Variants in ALK observed in about 807,000 individuals in gnomAD.
ALK encodes ALK tyrosine kinase receptor.
ALK carries 74 observed loss-of-function variants against 163.1 expected under a neutral mutation model. That is an observed-to-expected ratio of 0.45 (90% CI 0.38 to 0.55). ALK has a LOEUF of 0.55. Ranked by LOEUF, ALK falls within the 20% of genes least tolerant of loss-of-function variation. The pLI is 0.00. For missense variants in ALK, 2,063 were observed against 2,105.3 expected, an observed-to-expected ratio of 0.98 and a Z score of 0.39; for synonymous variants, 960 against 843.2, an observed-to-expected ratio of 1.14 and a Z score of -2.40.
chr2:29,616,930 G>A (rs1675864355), intron 3 of ALK, among the ~76,000 whole-genome samples: 2 of 152,098 alleles, frequency 1.3e-5, no homozygotes, highest in African/African-American at 4.8e-5. Context: ...CTATGTGTTG[G>A]TCCATTGTGC....
chr2:29,476,379 T>G (rs746827064), intron 4 of ALK, among the ~76,000 whole-genome samples: 2 of 152,170 alleles, frequency 1.3e-5, no homozygotes, highest in Non-Finnish European at 2.9e-5. Flanking sequence ...AACACCAACA[T>G]TCTTTTCCAC....
At chr2:29,815,043 A>T (rs1489355530) in intron 1 of ALK, among the ~76,000 whole-genome samples, 1 of 147,878 alleles carries the variant, frequency 6.8e-6, no homozygotes, top group East Asian at 2.0e-4. Flanking sequence ...TCTAGCATCT[A>T]GTATGGTGCG....
Position 29,536,645 on chromosome 2 carries a change from C to T in ALK, c.953-4529G>A, listed in dbSNP as rs973716110. On this transcript the variant is annotated intron_variant, in intron 3 of 28. Transcript: ENST00000389048. Reference sequence around the variant, plus strand: ...TGAAAATATAGAAGTAACTTTGGAACTGAGTAACGGGCAGGGGTTGGAGGA... The same window carrying T: ...TGAAAATATAGAAGTAACTTTGGAATTGAGTAACGGGCAGGGGTTGGAGGA... 3.3e-5 allele frequency among the ~76,000 whole-genome samples: 5 copies of T among 152,246 alleles called. No individual in the cohort carries two copies. The South Asian group carries it at 1.0e-3, about 32-fold the overall frequency.
At chr2:29,669,972 T>C (rs1677632375) in intron 3 of ALK, among the ~76,000 whole-genome samples, 1 of 152,128 alleles carries the variant, frequency 6.6e-6, no homozygotes, top group African/African-American at 2.4e-5. Context: ...TACCTATCTC[T>C]CAACAGGTTG....
intron 5 of ALK, among the ~76,000 whole-genome samples, chr2:29,336,993 C>G (rs1200528898): frequency 6.6e-6 from 1 of 152,080 alleles, no homozygotes; most frequent in Non-Finnish European, 1.5e-5. Flanking sequence ...GGGGCTGGAG[C>G]TGGAGTCTAG....
At chr2:29,241,037 C>T (rs182647862) in intron 12 of ALK, among the ~76,000 whole-genome samples, 5 of 152,286 alleles carry the variant, frequency 3.3e-5, no homozygotes, top group Admixed American at 6.5e-5. Flanking sequence ...AGGCTGTTTG[C>T]GAACATGGCA....
chr2:29,292,439 G>T (rs1251117992), intron 9 of ALK, among the ~76,000 whole-genome samples: 1 of 152,210 alleles, frequency 6.6e-6, no homozygotes, highest in African/African-American at 2.4e-5. Flanking sequence ...TTAGAATCAG[G>T]AGAGAGAACT....
intron 1 of ALK, among the ~76,000 whole-genome samples, chr2:29,758,671 C>T (rs1415634283): frequency 3.9e-5 from 6 of 152,186 alleles, no homozygotes; most frequent in Non-Finnish European, 7.3e-5. Context: ...CCTTATTCAT[C>T]ATTTGTCTCC....
At chr2:29,558,916 T>A (rs927170012) in intron 3 of ALK, among the ~76,000 whole-genome samples, 1 of 152,154 alleles carries the variant, frequency 6.6e-6, no homozygotes, top group Non-Finnish European at 1.5e-5. Flanking sequence ...TGTGAAATAA[T>A]CTATCAATTA....
At chr2:29,337,930 C>A (rs983437608) in intron 5 of ALK, among the ~76,000 whole-genome samples, 1 of 152,214 alleles carries the variant, frequency 6.6e-6, no homozygotes, top group African/African-American at 2.4e-5. Flanking sequence ...TGAATGCTGA[C>A]ATAGCTTGCA....
intron 1 of ALK, among the ~76,000 whole-genome samples, chr2:29,720,981 G>A (rs1011742524): frequency 2.0e-5 from 3 of 152,284 alleles, no homozygotes; most frequent in South Asian, 2.1e-4. Context: ...GAGATGAAAC[G>A]TAGATGAGAA....
At chr2:29,279,723 G>A (rs541621372) in intron 9 of ALK, among the ~76,000 whole-genome samples, 1 of 152,328 alleles carries the variant, frequency 6.6e-6, no homozygotes, top group Non-Finnish European at 1.5e-5. Context: ...CTGGAGATGG[G>A]AAAGGCTTCC....
In ALK at chr2:29,524,552, A is replaced by G. The variant is rs145043650; in HGVS notation, c.1154+7363T>C. Among the ~76,000 whole-genome samples the G allele has an allele frequency of 1.3e-3, 204 of 152,374 alleles. 1 individual carries two copies. Among genetic ancestry groups the G allele is most frequent in the Admixed American group, 4.2e-3 (64 of 15,298 alleles). ...AAAGGAGGTGAATAATATGAATGGT[A>G]CAGATCATAGTAAAGGTGAAATGAG... On this transcript the variant is annotated intron_variant, in intron 4 of 28. Coordinates refer to ENST00000389048, the MANE Select transcript of ALK (RefSeq NM_004304.5).
chr2:29,790,986 A>T (rs940462449), intron 1 of ALK, among the ~76,000 whole-genome samples: 3 of 152,202 alleles, frequency 2.0e-5, no homozygotes, highest in African/African-American at 7.2e-5. Context: ...AGGAATCTGT[A>T]TCTGGGTCCA....
chr2:29,517,794 T>C (rs758287954), intron 4 of ALK, among the ~76,000 whole-genome samples: 6 of 152,220 alleles, frequency 3.9e-5, no homozygotes, highest in Non-Finnish European at 5.9e-5. Flanking sequence ...TGTTTTTGTG[T>C]ATGCTTTGTT....
At chr2:29,571,858 C>T (rs976586202) in intron 3 of ALK, among the ~76,000 whole-genome samples, 12 of 152,038 alleles carry the variant, frequency 7.9e-5, no homozygotes, top group African/African-American at 2.9e-4. Context: ...TCGTGATCCA[C>T]CTGCCTCGGC....
chr2:29,348,629 T>A (rs1668022600), intron 5 of ALK, among the ~76,000 whole-genome samples: 1 of 152,246 alleles, frequency 6.6e-6, no homozygotes. Flanking sequence ...TCACAGCTCG[T>A]ATGGTAAGCA....
intron 4 of ALK, among the ~76,000 whole-genome samples, chr2:29,413,136 G>A (rs979832532): frequency 6.6e-6 from 1 of 152,132 alleles, no homozygotes; most frequent in African/African-American, 2.4e-5. Flanking sequence ...AGTGGATTTT[G>A]TGTGCTTAGG....
rs1321471380 is a variant in ALK at position 29,193,099 on chromosome 2, C to A, written c.*125G>T. The A allele has an allele frequency of 2.7e-6, 3 of 1,107,966 alleles. No homozygotes were observed. The African/African-American group carries it at 4.7e-5, about 17-fold the overall frequency. 68.6% of individuals were successfully genotyped at this position (1,107,966 alleles called of 1,614,324 possible). On this transcript the variant is annotated 3_prime_UTR_variant, in exon 29 of 29. Coordinates refer to ENST00000389048, the MANE Select transcript of ALK (RefSeq NM_004304.5). ...TCAAAATACAGCTTTTTTGGTGGTA[C>A]TTCAAAATAGGTTGGCACAAAACAA... is the stretch of plus-strand genomic sequence containing the variant.
Sources: allele counts gnomAD v4.1 joint callset (sites outside exome capture counted in the v4.1 genomes callset), GRCh38; gene constraint gnomAD v4.1.1; transcripts MANE v1.5; gene names NCBI Gene and HGNC (gene_info 2026-07-23, HGNC 2026-07-21).